MACROD2: variants seen among roughly 807,000 people sequenced by gnomAD.
MACROD2 encodes mono-ADP ribosylhydrolase 2.
A neutral mutation model predicts 70.4 loss-of-function variants in MACROD2; 36 were observed. The observed-to-expected ratio is 0.51, with a 90% CI of 0.39 to 0.68. The LOEUF (loss-of-function observed/expected upper bound fraction) is 0.68. Among genes scored for constraint, MACROD2 ranks in the 30% least tolerant of loss-of-function variants. The pLI is 0.00. For synonymous variants in MACROD2, 172 were observed against 178.8 expected (o/e 0.96, Z 0.30); for missense variants, 496 against 538.4 (o/e 0.92, Z 0.78).
At chr20:14,138,863 C>T (rs1283034167) in intron 3 of MACROD2, among the ~76,000 whole-genome samples, 1 of 151,460 alleles carries the variant, frequency 6.6e-6, no homozygotes, top group African/African-American at 2.4e-5. Flanking sequence ...AATCATTCTA[C>T]AATGTAACAT....
At chr20:15,990,211 A>G (rs146135829) in intron 15 of MACROD2, among the ~76,000 whole-genome samples, 166 of 152,312 alleles carry the variant, frequency 1.1e-3, no homozygotes, top group Non-Finnish European at 2.0e-3. Flanking sequence ...AGGACCTGCA[A>G]CACATATGAA....
At chr20:15,256,936 A>C (rs897273803) in intron 6 of MACROD2, among the ~76,000 whole-genome samples, 2 of 151,978 alleles carry the variant, frequency 1.3e-5, no homozygotes, top group Non-Finnish European at 2.9e-5. Flanking sequence ...TCGGAAAAAA[A>C]AATTATTCTG....
intron 6 of MACROD2, among the ~76,000 whole-genome samples, chr20:15,379,673 C>A (rs558093208): frequency 6.6e-6 from 1 of 152,288 alleles, no homozygotes; most frequent in East Asian, 1.9e-4. Context: ...GTCTACTCCT[C>A]TCTGTCTCCA....
At position 15,667,499 on chromosome 20, in the gene MACROD2, G is replaced by GTATCTATCTATCTATCTATC. The variant is rs76898460; in HGVS notation, c.645+167660_645+167679dup. Among the ~76,000 whole-genome samples, 239 of 150,366 alleles carry GTATCTATCTATCTATCTATC rather than the reference G, an allele frequency of 1.6e-3. 2 individuals carry two copies. Among genetic ancestry groups the GTATCTATCTATCTATCTATC allele is most frequent in the African/African-American group, 5.2e-3 (214 of 41,312 alleles). ...TCTATGTATCTATGTATCTATCTAT[G>GTATCTATCTATCTATCTATC]TATCTATCTATCTATCTATCTATCT... On this transcript the variant is annotated intron_variant, in intron 8 of 17. Coordinates refer to ENST00000684519, the MANE Select transcript of MACROD2 (RefSeq NM_001351661.2).
intron 6 of MACROD2, among the ~76,000 whole-genome samples, chr20:15,280,017 A>G (rs1249924254): frequency 1.3e-5 from 2 of 152,230 alleles, no homozygotes; most frequent in Non-Finnish European, 2.9e-5. Flanking sequence ...ATTTGTTGAA[A>G]TGAAAGAAGC....
At chr20:14,102,592 GA>G in intron 3 of MACROD2, among the ~76,000 whole-genome samples, 1 of 152,166 alleles carries the variant, frequency 6.6e-6, no homozygotes, top group South Asian at 2.1e-4. Flanking sequence ...AGCCAAAGGG[GA>G]AAAAATGACT....
At chr20:14,915,456 C>T (rs2122613480) in intron 5 of MACROD2, among the ~76,000 whole-genome samples, 1 of 152,336 alleles carries the variant, frequency 6.6e-6, no homozygotes, top group Admixed American at 6.5e-5. Flanking sequence ...TAAGCTCAAG[C>T]TCAGCCCTTT....
chr20:15,856,894 T>G (rs562625078), intron 8 of MACROD2, among the ~76,000 whole-genome samples: 6 of 152,288 alleles, frequency 3.9e-5, no homozygotes, highest in Non-Finnish European at 5.9e-5. Flanking sequence ...ACCAAGAAGA[T>G]GGGCCGGGAC....
chr20:15,757,410 A>G (rs1379708460), intron 8 of MACROD2, among the ~76,000 whole-genome samples: 1 of 152,114 alleles, frequency 6.6e-6, no homozygotes, highest in African/African-American at 2.4e-5. Context: ...TCTAAGAACT[A>G]GAAGGATTAT....
At chr20:14,010,052 T>A (rs2052880579) in intron 2 of MACROD2, among the ~76,000 whole-genome samples, 1 of 152,154 alleles carries the variant, frequency 6.6e-6, no homozygotes, top group Non-Finnish European at 1.5e-5. Flanking sequence ...TGGGTTGATC[T>A]GTGTAGCTGG....
At chr20:15,161,242 T>TA (rs914447119) in intron 5 of MACROD2, among the ~76,000 whole-genome samples, 6 of 151,810 alleles carry the variant, frequency 4.0e-5, no homozygotes, top group African/African-American at 9.7e-5. Flanking sequence ...ATATGCTCAA[T>TA]AAAAAAATCA....
chr20:14,495,422 C>A (rs2084842535), intron 4 of MACROD2, among the ~76,000 whole-genome samples: 1 of 152,146 alleles, frequency 6.6e-6, no homozygotes, highest in South Asian at 2.1e-4. Context: ...TTTCTTTAAG[C>A]AGATTTCCCT....
At chr20:14,720,569 T>TTTG (rs531072431) in intron 5 of MACROD2, among the ~76,000 whole-genome samples, 17 of 84,166 alleles carry the variant, frequency 2.0e-4, no homozygotes, top group East Asian at 1.1e-3. Flanking sequence ...TTTTTTTTTT[T>TTTG]TGTGAGGCAG....
At chr20:14,270,858 G>A (rs2082187549) in intron 3 of MACROD2, among the ~76,000 whole-genome samples, 1 of 152,190 alleles carries the variant, frequency 6.6e-6, no homozygotes, top group South Asian at 2.1e-4. Flanking sequence ...CTGGCTCAGA[G>A]GGTCCTACGC....
chr20:14,589,550 A>G (rs1981620973), intron 4 of MACROD2, among the ~76,000 whole-genome samples: 1 of 152,130 alleles, frequency 6.6e-6, no homozygotes, highest in Non-Finnish European at 1.5e-5. Context: ...TTTCTGTAGC[A>G]TTTAGTTACA....
intron 5 of MACROD2, among the ~76,000 whole-genome samples, chr20:14,742,608 G>T (rs543159320): frequency 1.3e-5 from 2 of 151,306 alleles, no homozygotes; most frequent in Non-Finnish European, 1.5e-5. Flanking sequence ...TAAAATCATG[G>T]TTGAAATCTG....
At chr20:15,208,017 G>C (rs2076726790) in intron 5 of MACROD2, among the ~76,000 whole-genome samples, 1 of 151,932 alleles carries the variant, frequency 6.6e-6, no homozygotes, top group Non-Finnish European at 1.5e-5. Flanking sequence ...CTTTCTTTCT[G>C]TTCTTCTGAG....
At chr20:14,165,199 A>G (rs1440704695) in intron 3 of MACROD2, among the ~76,000 whole-genome samples, 1 of 152,146 alleles carries the variant, frequency 6.6e-6, no homozygotes, top group Non-Finnish European at 1.5e-5. Flanking sequence ...CTCTGGAGCA[A>G]TACTATTGCA....
intron 5 of MACROD2, among the ~76,000 whole-genome samples, chr20:14,867,573 T>G (rs2073441590): frequency 6.6e-6 from 1 of 152,182 alleles, no homozygotes; most frequent in Non-Finnish European, 1.5e-5. Flanking sequence ...CTTCACACCT[T>G]AACCTTGACC....
Sources: allele counts gnomAD v4.1 joint callset (sites outside exome capture counted in the v4.1 genomes callset), GRCh38; gene constraint gnomAD v4.1.1; transcripts MANE v1.5; gene names NCBI Gene and HGNC (gene_info 2026-07-23, HGNC 2026-07-21).